RGS7: variants seen among roughly 807,000 people sequenced by gnomAD.
RGS7 encodes the protein regulator of G-protein signaling 7.
Under a neutral mutation model 81.1 loss-of-function variants are expected in RGS7, and 27 were observed. The ratio of observed to expected loss-of-function variants is 0.33; its 90% CI spans 0.25 to 0.46. The LOEUF is 0.46. RGS7 is among the 20% of genes least tolerant of loss of function. The pLI, the probability that RGS7 is intolerant of heterozygous loss-of-function variation, is 1.00. For missense variants in RGS7, 396 were observed against 607.4 expected, an observed-to-expected ratio of 0.65 and a Z score of 3.66; for synonymous variants, 208 against 207.7, an observed-to-expected ratio of 1.00 and a Z score of -0.01.
intron 4 of RGS7, among the ~76,000 whole-genome samples, chr1:240,945,060 T>C (rs753222286): frequency 6.6e-6 from 1 of 152,228 alleles, no homozygotes; most frequent in Non-Finnish European, 1.5e-5. Flanking sequence ...CGGGGATCAC[T>C]AAAGACTTTT....
intron 2 of RGS7, among the ~76,000 whole-genome samples, chr1:241,126,747 T>C: frequency 6.6e-6 from 1 of 152,096 alleles, no homozygotes; most frequent in East Asian, 1.9e-4. Context: ...GCTACATAAA[T>C]GTTAGCTATA....
chr1:240,916,998 A>C (rs1175964483), intron 6 of RGS7, among the ~76,000 whole-genome samples: 1 of 152,176 alleles, frequency 6.6e-6, no homozygotes, highest in East Asian at 1.9e-4. Context: ...TTTTGAAAGG[A>C]GCGAGGGTGG....
At chr1:241,231,990 G>C (rs1005658186) in intron 2 of RGS7, among the ~76,000 whole-genome samples, 2 of 152,100 alleles carry the variant, frequency 1.3e-5, no homozygotes, top group African/African-American at 4.8e-5. Context: ...TCATTTTGAG[G>C]TAATTTTATG....
At chr1:241,037,957 G>A (rs567496350) in intron 3 of RGS7, among the ~76,000 whole-genome samples, 2 of 152,224 alleles carry the variant, frequency 1.3e-5, no homozygotes, top group South Asian at 2.1e-4. Context: ...GGACTTTGGG[G>A]ACATGGGAGG....
At chr1:241,213,868 G>A (rs2074393860) in intron 2 of RGS7, among the ~76,000 whole-genome samples, 1 of 152,082 alleles carries the variant, frequency 6.6e-6, no homozygotes, top group African/African-American at 2.4e-5. Context: ...AAGCTTAAGC[G>A]ATCCTCCCAC....
chr1:241,259,667 A>AAAATATATATATATATAT, intron 2 of RGS7, among the ~76,000 whole-genome samples: 1 of 49,142 alleles, frequency 2.0e-5, no homozygotes, highest in Non-Finnish European at 3.6e-5. Flanking sequence ...AAAAAAAAAA[A>AAAATATATATATATATAT]ATATATATAT....
chr1:241,076,688 G>A (rs894767418), intron 3 of RGS7, among the ~76,000 whole-genome samples: 1 of 152,142 alleles, frequency 6.6e-6, no homozygotes, highest in Admixed American at 6.6e-5. Context: ...CTGTTTAAAG[G>A]AAGAGTATTT....
intron 3 of RGS7, among the ~76,000 whole-genome samples, chr1:241,008,456 C>T (rs563651340): frequency 2.2e-4 from 34 of 152,254 alleles, no homozygotes; most frequent in African/African-American, 7.2e-4. Context: ...AACAAGCTCC[C>T]GGGTAATGTT....
chr1:241,062,794 C>T (rs192320102), intron 3 of RGS7, among the ~76,000 whole-genome samples: 13 of 152,226 alleles, frequency 8.5e-5, no homozygotes, highest in African/African-American at 3.1e-4. Context: ...CAGGAAACAC[C>T]GTAGAGTATA....
chr1:241,114,686 T>A (rs927009036), intron 2 of RGS7, among the ~76,000 whole-genome samples: 30 of 152,186 alleles, frequency 2.0e-4, no homozygotes, highest in Admixed American at 1.7e-3. Flanking sequence ...TTCCTGTGTA[T>A]AAGAATTGTC....
intron 6 of RGS7, among the ~76,000 whole-genome samples, chr1:240,897,279 C>G (rs1669247054): frequency 6.6e-6 from 1 of 152,290 alleles, no homozygotes; most frequent in South Asian, 2.1e-4. Context: ...TTATTTCTTT[C>G]TCCTGCCTGA....
chr1:241,222,439 G>A (rs1397021062), intron 2 of RGS7, among the ~76,000 whole-genome samples: 7 of 152,200 alleles, frequency 4.6e-5, no homozygotes, highest in Non-Finnish European at 1.0e-4. Flanking sequence ...AAGAACTACT[G>A]TTATACAGGA....
At chr1:241,093,731 C>T (rs1031273800) in intron 3 of RGS7, among the ~76,000 whole-genome samples, 1 of 152,188 alleles carries the variant, frequency 6.6e-6, no homozygotes, top group African/African-American at 2.4e-5. Flanking sequence ...TTGAAATCTG[C>T]ATTCCTAAGA....
intron 4 of RGS7, among the ~76,000 whole-genome samples, chr1:240,971,610 T>A (rs1683218421): frequency 1.3e-5 from 2 of 152,186 alleles, no homozygotes; most frequent in South Asian, 4.1e-4. Context: ...ATTTATAATA[T>A]AAAATGCACG....
intron 4 of RGS7, among the ~76,000 whole-genome samples, chr1:240,975,416 C>A (rs1226327491): frequency 2.0e-5 from 3 of 151,820 alleles, no homozygotes; most frequent in Non-Finnish European, 4.4e-5. Flanking sequence ...AACAAACAAA[C>A]AAACAAACAA....
rs79812709 is a variant in RGS7, at chr1:241,054,516, A to G, written c.175+44150T>C. 3.3e-3 allele frequency among the ~76,000 whole-genome samples: 499 copies of G among 152,326 alleles called. 2 individuals are homozygous for G. The highest frequency in any genetic ancestry group is 0.01 in the Middle Eastern group (3 of 294). ...ATGATTCTCAGTTAATGTCATGGATACTAATCTCCCATTTGAGCACCTGAT... is the reference window on the plus strand; with the variant it reads ...ATGATTCTCAGTTAATGTCATGGATGCTAATCTCCCATTTGAGCACCTGAT... On this transcript the variant is annotated intron_variant, in intron 3 of 18. Transcript: ENST00000440928.
At chr1:240,918,262 C>T (rs78981155) in intron 6 of RGS7, among the ~76,000 whole-genome samples, 2,388 of 152,110 alleles carry the variant, frequency 0.016, 62 homozygotes, top group African/African-American at 0.055. Flanking sequence ...AATTTAATGG[C>T]CATTTATAGA....
chr1:240,873,866 C>T (rs1463509998), intron 6 of RGS7, among the ~76,000 whole-genome samples: 1 of 152,026 alleles, frequency 6.6e-6, no homozygotes, highest in East Asian at 1.9e-4. Context: ...CATTGTCATG[C>T]TATTCTTTTT....
intron 2 of RGS7, among the ~76,000 whole-genome samples, chr1:241,288,984 A>G (rs2078960282): frequency 6.6e-6 from 1 of 152,234 alleles, no homozygotes; most frequent in African/African-American, 2.4e-5. Context: ...TCGCCTGCTC[A>G]GTGATTATAT....
Sources: gnomAD v4.1 joint callset for allele counts (sites outside exome capture counted in the v4.1 genomes callset) on GRCh38, gnomAD v4.1.1 for gene constraint, MANE v1.5 for transcripts, NCBI Gene and HGNC (gene_info 2026-07-23, HGNC 2026-07-21) for gene names.